TFIP11: variants seen among roughly 807,000 people sequenced by gnomAD.
TFIP11 encodes tuftelin-interacting protein 11.
In TFIP11, 86 loss-of-function variants were observed where a neutral mutation model predicts 96.8. The observed-to-expected ratio is 0.89, with a 90% CI of 0.75 to 1.06. TFIP11 has a LOEUF of 1.06. Among genes scored for constraint, TFIP11 ranks in the 50% least tolerant of loss-of-function variants. The pLI, the probability that TFIP11 is intolerant of heterozygous loss-of-function variation, is 0.00. For missense variants in TFIP11, 881 were observed against 1,076.7 expected, an observed-to-expected ratio of 0.82 and a Z score of 2.54; for synonymous variants, 405 against 395.2, an observed-to-expected ratio of 1.02 and a Z score of -0.29.
rs746394406 is a variant in TFIP11 at position 26,492,380 on chromosome 22, G to A, written c.2159-12C>T. On this transcript the variant is annotated splice_polypyrimidine_tract_variant and intron_variant, in intron 14 of 14. Transcript: ENST00000407690. ...CTGCATGTAGGCACCTAAGATACAG[G>A]AGGACAGGGCGGTGAGGAGAGGTGT... 3.7e-6 allele frequency: 6 copies of A among 1,613,142 alleles called. No homozygotes were observed. Among genetic ancestry groups the A allele is most frequent in the Non-Finnish European group, 5.1e-6 (6 of 1,179,288 alleles).
At chr22:26,505,703 TTTATTTATTTATTTA>T (rs1923318910) in intron 6 of TFIP11, among the ~76,000 whole-genome samples, 1 of 72,708 alleles carries the variant, frequency 1.4e-5, no homozygotes, top group Non-Finnish European at 2.6e-5. Context: ...ATTCTATTTA[TTTATTTATTTATTTA>T]TTTATTTATT....
At chr22:26,499,695 C>G (rs1922542474) in intron 8 of TFIP11, 64 bp from the exon 9 acceptor site, 6 of 1,507,042 alleles carry the variant, frequency 4.0e-6, no homozygotes, top group Non-Finnish European at 4.5e-6. Context: ...ACAGCTAAGC[C>G]CAGGGGAAGG....
At chr22:26,499,054 G>C in intron 9 of TFIP11, 50 bp downstream of exon 9, 2 of 1,606,492 alleles carry the variant, frequency 1.2e-6, no homozygotes, top group Non-Finnish European at 1.7e-6. Flanking sequence ...ATCAAGCAAG[G>C]GTAAGCCCAA....
rs756952141 is a variant in TFIP11 at position 26,492,134 on chromosome 22, C to A, written c.2393G>T (p.Gly798Val). The change falls in exon 15 of 15, where the codon GGG becomes GTG. Residue 798 changes from glycine (G) to valine (V), a missense_variant. By Grantham distance (109) the Gly-to-Val change is moderately radical. Transcript: ENST00000407690. ...FMPVIGKRHE[G>V]KQLYTFGRIV... ...GCGGCCAAAGGTGTAGAGCTGCTTC[C>A]CTTCGTGTCGCTTCCCAATGACGGG... 6.2e-7 allele frequency: 1 copy of A among 1,613,350 alleles called. No homozygotes were observed. Among genetic ancestry groups the A allele is most frequent in the African/African-American group, 1.3e-5 (1 of 74,640 alleles).
Position 26,496,244 on chromosome 22 carries a change from G to A in TFIP11, c.1678C>T (p.Gln560Ter). 2.5e-6 allele frequency: 4 copies of A among 1,613,908 alleles called. No homozygotes were observed. The highest frequency in any genetic ancestry group is 3.4e-6 in the Non-Finnish European group (4 of 1,179,936). The change falls in exon 12 of 15, where the codon CAG (glutamine) becomes TAG (stop). Residue 560 changes from glutamine to a stop codon, truncating the protein, a stop_gained. Transcript: ENST00000407690. LOFTEE classifies it high-confidence loss of function. ...GAATAGAGTGGCTCCAGCCGTGCCT[G>A]CATAAGGGGCAGCCATGGGTGGATC... The part of the protein sequence containing the change: ...SWIHPWLPLM[Q>*]ARLEPLYSPI...
Position 26,491,754 on chromosome 22 carries a change from A to G in TFIP11, c.*259T>C. ...GGGAAGGCTGCTATGGAGGAACTACAGAGAACTCCTTTGCCAGGAAAGAAC... is the reference window on the plus strand; with the variant it reads ...GGGAAGGCTGCTATGGAGGAACTACGGAGAACTCCTTTGCCAGGAAAGAAC... On this transcript the variant is annotated 3_prime_UTR_variant, in exon 15 of 15. Transcript: ENST00000407690. 9 of 1,292,862 alleles carry G rather than the reference A, an allele frequency of 7.0e-6. No homozygotes were observed. In the South Asian group the frequency reaches 1.2e-4, roughly 17 times the overall value. 80.1% of individuals were successfully genotyped at this position (1,292,862 alleles called of 1,614,324 possible).
At chr22:26,497,569 G>T (rs1922216558) in intron 10 of TFIP11, among the ~76,000 whole-genome samples, 1 of 152,178 alleles carries the variant, frequency 6.6e-6, no homozygotes, top group South Asian at 2.1e-4. Flanking sequence ...CCACTACTGG[G>T]TATCTACCCA....
In TFIP11 at chr22:26,506,761, G is replaced by A. The variant is rs555771154; in HGVS notation, c.363+14C>T. ...AGGATATTCCTAGGGTCACAATCCT[G>A]CAATAGAGACTACCGTTTTTAGCTT... is the stretch of plus-strand genomic sequence containing the variant. On this transcript the variant is annotated intron_variant, in intron 5 of 14. Transcript: ENST00000407690. The A allele has an allele frequency of 8.7e-6, 14 of 1,613,994 alleles. No homozygotes were observed. The highest frequency in any genetic ancestry group is 1.7e-5 in the Admixed American group (1 of 60,016).
At chr22:26,507,054 A>G in intron 4 of TFIP11, 126 bp from the exon 5 acceptor site, 3 of 1,181,172 alleles carry the variant, frequency 2.5e-6, no homozygotes, top group Non-Finnish European at 3.5e-6. Context: ...TTTTTAAAAA[A>G]GTAACACATT....
At chr22:26,496,932 C>T (rs5761562) in intron 10 of TFIP11, 43 bp from the exon 11 acceptor site, 222,465 of 1,604,452 alleles carry the variant, frequency 0.14, 17,369 homozygotes, top group Non-Finnish European at 0.16. Flanking sequence ...ATTACACTGA[C>T]TGGTTTCAAA....
rs778941711 is a variant in TFIP11, at chr22:26,503,697, G to T, written c.617C>A (p.Pro206His). The change falls in exon 7 of 15, where the codon CCT becomes CAT. Residue 206 changes from proline (P) to histidine (H), a missense_variant. Physicochemically the swap from Pro to His is moderately conservative, Grantham distance 77. Transcript: ENST00000407690. ...AGCTTCTTCCTCTGAGTCAACCACA[G>T]GGAAGTCTTGCATGGACTGAGTGGT... is the stretch of plus-strand genomic sequence containing the variant. ...ERTTQSMQDF[P>H]VVDSEEEAEE... The T allele has an allele frequency of 1.9e-6, 3 of 1,614,042 alleles. No homozygotes were observed. Among genetic ancestry groups the T allele is most frequent in the Non-Finnish European group, 2.5e-6 (3 of 1,180,014 alleles).
rs1356855885 is a variant in TFIP11, at chr22:26,503,528, A to T, written c.648+138T>A. 3 of 1,072,584 alleles carry T rather than the reference A, an allele frequency of 2.8e-6. No homozygotes were observed. The African/African-American group carries it at 4.7e-5, about 17-fold the overall frequency. 66.4% of individuals were successfully genotyped at this position (1,072,584 alleles called of 1,614,324 possible). On this transcript the variant is annotated intron_variant, in intron 7 of 14. Coordinates refer to ENST00000407690, the MANE Select transcript of TFIP11 (RefSeq NM_012143.4). Reference sequence around the variant, plus strand: ...CACCCTAGCCCTCTCATCATGGTGCACCTAGCCTTCAGCCCAGTACCTGGC... The same window carrying T: ...CACCCTAGCCCTCTCATCATGGTGCTCCTAGCCTTCAGCCCAGTACCTGGC...
chr22:26,497,613 C>G (rs758585589), intron 10 of TFIP11, among the ~76,000 whole-genome samples: 7 of 152,212 alleles, frequency 4.6e-5, no homozygotes, highest in African/African-American at 1.4e-4. Flanking sequence ...CACGGAGGCT[C>G]ACGCCTGTAA....
At position 26,503,228 on chromosome 22, in the gene TFIP11, G is replaced by A. The variant is rs116156744; in HGVS notation, c.648+438C>T. On this transcript the variant is annotated intron_variant, in intron 7 of 14. Coordinates refer to ENST00000407690, the MANE Select transcript of TFIP11 (RefSeq NM_012143.4). The stretch of plus-strand genomic sequence containing the variant: ...AATGCACTTCCTTCCCCTCTGCTTT[G>A]TGTACCGCCCTCCCACCGCAAGGGC... Among the ~76,000 whole-genome samples the A allele has an allele frequency of 8.1e-3, 1,222 of 151,800 alleles. 23 individuals are homozygous for A. The highest frequency in any genetic ancestry group is 0.028 in the African/African-American group (1,161 of 41,360).
intron 7 of TFIP11, 77 bp downstream of exon 7, chr22:26,503,589 C>T: frequency 1.3e-6 from 2 of 1,565,238 alleles, no homozygotes; most frequent in South Asian, 2.3e-5. Flanking sequence ...TGAGGACTAA[C>T]AGAATGAAGG....
At chr22:26,497,701 C>A (rs950580051) in intron 10 of TFIP11, among the ~76,000 whole-genome samples, 3 of 152,208 alleles carry the variant, frequency 2.0e-5, no homozygotes. Flanking sequence ...CATGGTGAAA[C>A]CCTGTCTCTA....
At chr22:26,498,006 CTG>C (rs34708589) in intron 10 of TFIP11, among the ~76,000 whole-genome samples, 121,920 of 151,870 alleles carry the variant, frequency 0.8, 50,014 homozygotes, top group South Asian at 0.88. Flanking sequence ...GATAAAGAAA[CTG>C]TGGTATAAAT....
intron 4 of TFIP11, 99 bp from the exon 5 acceptor site, chr22:26,507,027 T>C: frequency 7.3e-7 from 1 of 1,365,500 alleles, no homozygotes; most frequent in Non-Finnish European, 1.0e-6. Flanking sequence ...CTCCTTAGAG[T>C]GAATCTCATG....
intron 7 of TFIP11, 147 bp from the exon 8 acceptor site, chr22:26,502,199 C>T (rs1922886485): frequency 1.1e-6 from 1 of 899,052 alleles, no homozygotes; most frequent in Non-Finnish European, 1.7e-6. Flanking sequence ...GATGCACCTG[C>T]AAGACACCAA....
Sources: allele counts gnomAD v4.1 joint callset (sites outside exome capture counted in the v4.1 genomes callset), GRCh38; gene constraint gnomAD v4.1.1; transcripts MANE v1.5; gene names NCBI Gene and HGNC (gene_info 2026-07-23, HGNC 2026-07-21).